LRRN4: variants seen among roughly 807,000 people sequenced by gnomAD.
The protein encoded by LRRN4 is leucine-rich repeat neuronal protein 4.
LRRN4 carries 26 observed loss-of-function variants against 22.3 expected under a neutral mutation model. The observed-to-expected ratio is 1.16, with a 90% confidence interval of 0.85 to 1.62. The LOEUF (loss-of-function observed/expected upper bound fraction) is 1.62, where lower values mean the gene tolerates loss of function less well. Among genes scored for constraint, LRRN4 ranks in the 40% most tolerant of loss-of-function variants. The probability of loss-of-function intolerance (pLI) is 0.00; values close to 1 mark genes in which losing one functional copy is unlikely to be tolerated. For missense variants in LRRN4, 1,070 were observed against 1,008.5 expected (o/e 1.06, Z -0.83); for synonymous variants, 496 against 486.2 (o/e 1.02, Z -0.26).
Position 6,040,869 on chromosome 20 carries a change from C to G in LRRN4, c.*153G>C. ...AGGGCAGCAGTTCCTTGGACCCAGACACTCAGTGTGGCAAGTTCCATGTGT... is the reference window on the plus strand; with the variant it reads ...AGGGCAGCAGTTCCTTGGACCCAGAGACTCAGTGTGGCAAGTTCCATGTGT... On this transcript the variant is annotated 3_prime_UTR_variant, in exon 5 of 5. Transcript: ENST00000378858. 2 of 1,003,720 alleles carry G rather than the reference C, an allele frequency of 2.0e-6. No homozygotes were observed. Among genetic ancestry groups the G allele is most frequent in the Middle Eastern group, 2.6e-4 (1 of 3,786 alleles). 62.2% of individuals were successfully genotyped at this position (1,003,720 alleles called of 1,614,324 possible).
At chr20:6,043,415 T>TA (rs2123051979) in intron 4 of LRRN4, among the ~76,000 whole-genome samples, 1 of 151,240 alleles carries the variant, frequency 6.6e-6, no homozygotes, top group African/African-American at 2.4e-5. Context: ...ACCCTGTCTC[T>TA]AAAATAAATT....
chr20:6,050,719 A>G, intron 3 of LRRN4, 60 bp downstream of exon 3: 1 of 1,492,322 alleles, frequency 6.7e-7, no homozygotes, highest in Non-Finnish European at 9.3e-7. Context: ...TATAAAATTC[A>G]ACATAGCGTA....
At chr20:6,051,134 TGTG>T (rs1981234149) in intron 2 of LRRN4, 151 bp from the exon 3 acceptor site, 1 of 720,294 alleles carries the variant, frequency 1.4e-6, no homozygotes, top group East Asian at 2.7e-5. Context: ...ATCTCAGAAT[TGTG>T]GTCATTTCAG....
Position 6,041,798 on chromosome 20 carries a change from G to A in LRRN4, c.1447C>T (p.Leu483=), listed in dbSNP as rs574643870. ...AASTPLASKL[L]GPFPTSWDRS... Reference sequence around the variant, plus strand: ...TCCCACGAGGTAGGGAAGGGGCCCAGGAGCTTGCTGGCCAGTGGGGTGGAG... The same window carrying A: ...TCCCACGAGGTAGGGAAGGGGCCCAAGAGCTTGCTGGCCAGTGGGGTGGAG... Residue 483 remains leucine (L), a synonymous_variant, in exon 5 of 5, where the codon CTG becomes TTG. Coordinates refer to ENST00000378858, the MANE Select transcript of LRRN4 (RefSeq NM_152611.5). This position sits in a 1 kb window ranked among gnomAD's most constrained non-coding sequence, Gnocchi z 9.4. 1.9e-6 allele frequency: 3 copies of A among 1,614,156 alleles called. No individual in the cohort carries two copies. Among genetic ancestry groups the A allele is most frequent in the South Asian group, 2.2e-5 (2 of 91,078 alleles).
Position 6,044,606 on chromosome 20 carries a change from G to A in LRRN4, c.935C>T (p.Pro312Leu). 1 of 1,595,480 alleles carries A rather than the reference G, an allele frequency of 6.3e-7. No individual in the cohort carries two copies. Among genetic ancestry groups the A allele is most frequent in the Non-Finnish European group, 8.5e-7 (1 of 1,171,034 alleles). The part of the protein sequence containing the change: ...QVLSINLFGN[P>L]LTCSCDLSWL... ...AGACAAGTCACAACTGCAAGTGAGGGGGTTGCCAAAGAGGTTGATCGATAG... is the reference window on the plus strand; with the variant it reads ...AGACAAGTCACAACTGCAAGTGAGGAGGTTGCCAAAGAGGTTGATCGATAG... Residue 312 changes from proline to leucine, a missense_variant, in exon 4 of 5, where the codon CCC (proline) becomes CTC (leucine). Pro to Leu is a moderately conservative substitution (Grantham distance 98, BLOSUM62 -3). Transcript: ENST00000378858.
rs1980907158 is a variant in LRRN4, at chr20:6,040,928, ACC to A, written c.*92_*93del. 5 of 1,517,994 alleles carry A rather than the reference ACC, an allele frequency of 3.3e-6. No homozygotes were observed. The highest frequency in any genetic ancestry group is 4.4e-6 in the Non-Finnish European group (5 of 1,127,000). The allele number at this position is 1,517,994 out of a possible 1,614,324, so 94.0% of individuals were successfully genotyped here. On this transcript the variant is annotated 3_prime_UTR_variant, in exon 5 of 5. Coordinates refer to ENST00000378858, the MANE Select transcript of LRRN4 (RefSeq NM_152611.5). ...CATTCTGGCTTCACGGGAATTAGAA[ACC>A]CTAGGAGCGGATGGGGTCGTTTTTG... is the stretch of plus-strand genomic sequence containing the variant.
intron 3 of LRRN4, among the ~76,000 whole-genome samples, chr20:6,047,342 C>A (rs1981123088): frequency 6.6e-6 from 1 of 151,856 alleles, no homozygotes; most frequent in Admixed American, 6.6e-5. Flanking sequence ...AGTTCCATGT[C>A]ATTTACAATC....
In LRRN4 at chr20:6,041,087, G is replaced by C. The variant is rs370963693; in HGVS notation, c.2158C>G (p.His720Asp). ...GCCGGGTTTTTGTAGGCCACCAGGT[G>C]CGTGTCGCAGCGCTGCAGGCCCAGC... ...QTLGLQRCDT[H>D]LVAYKNPAFD... Residue 720 changes from histidine (H) to aspartate (D), a missense_variant, in exon 5 of 5, where the codon CAC becomes GAC. Transcript: ENST00000378858. This position sits in a 1 kb window ranked among gnomAD's most constrained non-coding sequence, Gnocchi z 9.4. 2 of 1,613,686 alleles carry C rather than the reference G, an allele frequency of 1.2e-6. No individual in the cohort carries two copies. Among genetic ancestry groups the C allele is most frequent in the African/African-American group, 1.3e-5 (1 of 75,060 alleles).
At chr20:6,042,327 G>A (rs956144402) in intron 4 of LRRN4, 81 bp from the exon 5 acceptor site, 4 of 1,459,530 alleles carry the variant, frequency 2.7e-6, no homozygotes, top group Middle Eastern at 2.5e-4. Context: ...CATTGCCGAC[G>A]TCACCCCCTG....
intron 4 of LRRN4, among the ~76,000 whole-genome samples, chr20:6,043,271 C>T (rs1416391675): frequency 6.6e-6 from 1 of 152,022 alleles, no homozygotes; most frequent in Non-Finnish European, 1.5e-5. Context: ...AAAACTTAGC[C>T]AGGTATGGTG....
At position 6,041,730 on chromosome 20, in the gene LRRN4, G is replaced by A. The variant is rs1420826153; in HGVS notation, c.1515C>T (p.Ala505=). 6.2e-7 allele frequency: 1 copy of A among 1,613,770 alleles called. No homozygotes were observed. Among genetic ancestry groups the A allele is most frequent in the Non-Finnish European group, 8.5e-7 (1 of 1,179,788 alleles). ...GACTCGGGTTGGGGGCTTGGGGTGT[G>A]GCGTGTGTCCTCTGGCCGGGCTGAG... ...SSPQPGQRTH[A]TPQAPNPSLS... is the part of the protein sequence containing the mutation. The change falls in exon 5 of 5, where the codon GCC becomes GCT. Residue 505 remains alanine (A), a synonymous_variant. Transcript: ENST00000378858. This position sits in a 1 kb window ranked among gnomAD's most constrained non-coding sequence, Gnocchi z 9.4.
At chr20:6,051,165 G>A (rs1981235230) in intron 2 of LRRN4, among the ~76,000 whole-genome samples, 182 bp from the exon 3 acceptor site, 1 of 152,216 alleles carries the variant, frequency 6.6e-6, no homozygotes, top group South Asian at 2.1e-4. Flanking sequence ...GGTGCTCAGG[G>A]ACAAGCAGTC....
chr20:6,053,277 T>C (rs532661995), intron 1 of LRRN4, among the ~76,000 whole-genome samples: 10 of 152,222 alleles, frequency 6.6e-5, no homozygotes, highest in African/African-American at 2.4e-4. Context: ...TCAGCAACTC[T>C]CAGTTACCCC....
chr20:6,047,595 G>A (rs1399639112), intron 3 of LRRN4, among the ~76,000 whole-genome samples: 1 of 150,286 alleles, frequency 6.7e-6, no homozygotes, highest in Non-Finnish European at 1.5e-5. Context: ...GACCATTCCG[G>A]CCAACATGAT....
At chr20:6,047,582 A>G (rs1981135497) in intron 3 of LRRN4, among the ~76,000 whole-genome samples, 1 of 151,592 alleles carries the variant, frequency 6.6e-6, no homozygotes, top group Admixed American at 6.6e-5. Context: ...GTTAGGAGAT[A>G]GAGACCATTC....
intron 2 of LRRN4, among the ~76,000 whole-genome samples, chr20:6,051,407 C>T (rs1293836309): frequency 2.0e-5 from 3 of 152,204 alleles, no homozygotes; most frequent in African/African-American, 7.2e-5. Context: ...GAGGGGCCCC[C>T]AGAAACCTCA....
chr20:6,045,531 C>CA (rs1981081595), intron 3 of LRRN4, among the ~76,000 whole-genome samples: 1 of 148,888 alleles, frequency 6.7e-6, no homozygotes, highest in Admixed American at 6.7e-5. Context: ...ATGCAAATCT[C>CA]CACATACAAA....
intron 3 of LRRN4, among the ~76,000 whole-genome samples, chr20:6,045,022 C>T (rs1004431562): frequency 3.6e-4 from 55 of 151,818 alleles, no homozygotes; most frequent in African/African-American, 1.3e-3. Flanking sequence ...TTTTCTTTTT[C>T]CCTGAAGTGG....
chr20:6,050,642 G>C, intron 3 of LRRN4, 137 bp downstream of exon 3: 1 of 884,848 alleles, frequency 1.1e-6, no homozygotes, highest in Non-Finnish European at 1.8e-6. Flanking sequence ...CCAAAGGGTG[G>C]GGGAAAACAA....
Sources: gnomAD v4.1 joint callset for allele counts (sites outside exome capture counted in the v4.1 genomes callset) on GRCh38, gnomAD v4.1.1 for gene constraint, Gnocchi (gnomAD v3.1) non-coding constraint, MANE v1.5 for transcripts, NCBI Gene and HGNC (gene_info 2026-07-23, HGNC 2026-07-21) for gene names.